Variants in POTEJ observed in about 807,000 individuals in gnomAD.
The protein encoded by POTEJ is POTE ankyrin domain family, member J.
POTEJ carries 11 observed loss-of-function variants against 69.0 expected under a neutral mutation model. The ratio of observed to expected loss-of-function variants is 0.16; its 90% CI spans 0.10 to 0.26. The LOEUF (loss-of-function observed/expected upper bound fraction) is 0.26, where lower values mean the gene tolerates loss of function less well. Among genes scored for constraint, POTEJ ranks in the 10% least tolerant of loss-of-function variants. The pLI is 1.00. For synonymous variants in POTEJ, 117 were observed against 381.1 expected (o/e 0.31, Z 8.07); for missense variants, 327 against 1,045.5 (o/e 0.31, Z 9.48).
chr2:130,642,794 G>C (rs1444774909), intron 10 of POTEJ, among the ~76,000 whole-genome samples: 1 of 152,208 alleles, frequency 6.6e-6, no homozygotes, highest in Non-Finnish European at 1.5e-5. Flanking sequence ...TTCTATTGTA[G>C]GCAAATACTT....
rs978659558 is a variant in POTEJ, at chr2:130,652,954, A to G, written c.1668-1967A>G. On this transcript the variant is annotated intron_variant, in intron 13 of 14. Transcript: ENST00000409602. ...TTTGTTTGAGTTTCTTGTAGGTTAT[A>G]GATATTAGTCCTTTGTTAGCATCAT... Among the ~76,000 whole-genome samples, 122 of 142,310 alleles carry G rather than the reference A, an allele frequency of 8.6e-4. 12 individuals carry two copies. The highest frequency in any genetic ancestry group is 1.5e-3 in the South Asian group (7 of 4,546). 93.4% of individuals were successfully genotyped at this position (142,310 alleles called of 152,430 possible).
At position 130,657,558 on chromosome 2, in the gene POTEJ, A is replaced by T. The variant is rs747773081; in HGVS notation, c.2798A>T (p.Glu933Val). Reference protein sequence around the residue: ...ALFQPCFLGMESCGIHETTFN... With the variant: ...ALFQPCFLGMVSCGIHETTFN... ...TTCCAGCCTTGCTTCCTGGGCATGG[A>T]ATCCTGTGGCATCCATGAAACTACC... Residue 933 changes from glutamate to valine, a missense_variant, in exon 15 of 15, where the codon GAA (glutamate) becomes GTA (valine). Physicochemically the swap from Glu to Val is moderately radical, Grantham distance 121. Transcript: ENST00000409602. The T allele has an allele frequency of 6.4e-7, 1 of 1,559,778 alleles. No homozygotes were observed. Among genetic ancestry groups the T allele is most frequent in the African/African-American group, 1.6e-5 (1 of 62,902 alleles).
chr2:130,639,403 A>T (rs1327144186), intron 10 of POTEJ, among the ~76,000 whole-genome samples: 753 of 150,970 alleles, frequency 5.0e-3, no homozygotes, highest in African/African-American at 0.018. Context: ...AAAGAGATGC[A>T]TTTACTTTGT....
At chr2:130,613,289 CATAT>C (rs1171559176) in intron 1 of POTEJ, among the ~76,000 whole-genome samples, 1 of 87,662 alleles carries the variant, frequency 1.1e-5, no homozygotes, top group Non-Finnish European at 2.3e-5. Flanking sequence ...TGTATATATA[CATAT>C]ATATACATAT....
chr2:130,623,911 A>T (rs1181849325), intron 5 of POTEJ, among the ~76,000 whole-genome samples, 153 bp from the exon 6 acceptor site: 1 of 131,920 alleles, frequency 7.6e-6, no homozygotes, highest in Non-Finnish European at 1.6e-5. Context: ...CTTAAAGAGA[A>T]GTTTGTAGAA....
At chr2:130,613,376 G>C (rs1376307960) in intron 1 of POTEJ, among the ~76,000 whole-genome samples, 1 of 128,458 alleles carries the variant, frequency 7.8e-6, no homozygotes, top group Non-Finnish European at 1.6e-5. Flanking sequence ...ATATATGTGT[G>C]TGTGTGTGTA....
chr2:130,650,498 A>G (rs1432678482), intron 13 of POTEJ, among the ~76,000 whole-genome samples: 1 of 151,776 alleles, frequency 6.6e-6, no homozygotes, highest in East Asian at 1.9e-4. Flanking sequence ...GTAGCTACCT[A>G]ATAAATAGGT....
chr2:130,618,603 C>T (rs78216999), intron 3 of POTEJ, among the ~76,000 whole-genome samples: 67 of 146,578 alleles, frequency 4.6e-4, no homozygotes, highest in Admixed American at 2.9e-3. Flanking sequence ...ACAACGACGA[C>T]GACAACAACA....
At chr2:130,656,087 T>A (rs555736023) in intron 14 of POTEJ, among the ~76,000 whole-genome samples, 2 of 145,832 alleles carry the variant, frequency 1.4e-5, no homozygotes, top group African/African-American at 5.1e-5. Context: ...GAGAAATTCC[T>A]TCTGTCCAAA....
intron 8 of POTEJ, among the ~76,000 whole-genome samples, 191 bp downstream of exon 8, chr2:130,631,644 T>A (rs868540359): frequency 9.9e-5 from 14 of 141,884 alleles, no homozygotes; most frequent in South Asian, 2.1e-4. Context: ...CTAGAGATAT[T>A]CTTTGATTAT....
rs1686109076 is a variant in POTEJ, at chr2:130,636,811, G to C, written c.1299-1808G>C. Among the ~76,000 whole-genome samples the C allele has an allele frequency of 1.4e-5, 2 of 147,940 alleles. 1 individual carries two copies. On this transcript the variant is annotated intron_variant, in intron 9 of 14. Coordinates refer to ENST00000409602, the MANE Select transcript of POTEJ (RefSeq NM_001277083.2). Reference sequence around the variant, plus strand: ...TCTCACTTTAAAAATGTTTGACGTAGGTCGGGCATGGTGGCTCACACCTGT... The same window carrying C: ...TCTCACTTTAAAAATGTTTGACGTACGTCGGGCATGGTGGCTCACACCTGT...
At position 130,630,851 on chromosome 2, in the gene POTEJ, T is replaced by C. The variant is rs76656563; in HGVS notation, c.1087-558T>C. On this transcript the variant is annotated intron_variant, in intron 7 of 14. Transcript: ENST00000409602. ...GATACATAACACTATCATATGACAG[T>C]ATATAATCTCAATTAAAATTGGAGA... 7.4e-3 allele frequency among the ~76,000 whole-genome samples: 1,008 copies of C among 136,192 alleles called. 52 individuals are homozygous for C. The highest frequency in any genetic ancestry group is 0.017 in the African/African-American group (590 of 34,818). 89.3% of individuals were successfully genotyped at this position (136,192 alleles called of 152,430 possible).
intron 1 of POTEJ, among the ~76,000 whole-genome samples, chr2:130,612,791 A>C (rs1190734903): frequency 1.3e-5 from 2 of 148,354 alleles, no homozygotes; most frequent in Non-Finnish European, 3.0e-5. Context: ...AAAAGATGTG[A>C]GCTTTTTCTA....
chr2:130,611,303 G>GT (rs1318819813), upstream of POTEJ, among the ~76,000 whole-genome samples: 2 of 142,670 alleles, frequency 1.4e-5, no homozygotes, highest in Non-Finnish European at 3.0e-5. Flanking sequence ...TTTTCTTGGG[G>GT]GGGGGGGGGT....
intron 6 of POTEJ, among the ~76,000 whole-genome samples, chr2:130,629,067 A>G (rs1211205453): frequency 6.6e-6 from 1 of 152,190 alleles, no homozygotes. Flanking sequence ...CGAATCGTGG[A>G]GGGAAACATT....
intron 6 of POTEJ, among the ~76,000 whole-genome samples, chr2:130,626,495 T>C (rs1397568697): frequency 6.6e-6 from 1 of 150,700 alleles, no homozygotes; most frequent in Non-Finnish European, 1.5e-5. Context: ...CTCTGTCATA[T>C]CTACTTAACC....
chr2:130,612,643 G>T (rs1254923583), intron 1 of POTEJ, among the ~76,000 whole-genome samples: 1 of 144,124 alleles, frequency 6.9e-6, no homozygotes, highest in African/African-American at 2.6e-5. Flanking sequence ...GGTGCCTGTA[G>T]TCCCAGCTAC....
intron 13 of POTEJ, among the ~76,000 whole-genome samples, 187 bp from the exon 14 acceptor site, chr2:130,654,734 C>G (rs1162683059): frequency 6.9e-6 from 1 of 144,378 alleles, no homozygotes; most frequent in Non-Finnish European, 1.5e-5. Context: ...AATTATCTTC[C>G]ACAAAACCAG....
chr2:130,647,055 A>T (rs1267874932), intron 13 of POTEJ, among the ~76,000 whole-genome samples: 1 of 150,462 alleles, frequency 6.6e-6, no homozygotes, highest in African/African-American at 2.5e-5. Context: ...ATTATTATGT[A>T]AAAAATTTGG....
Sources: allele counts gnomAD v4.1 joint callset (sites outside exome capture counted in the v4.1 genomes callset), GRCh38; gene constraint gnomAD v4.1.1; transcripts MANE v1.5; gene names NCBI Gene and HGNC (gene_info 2026-07-23, HGNC 2026-07-21).